Variants in INTS8 observed in about 807,000 individuals in gnomAD.
The protein encoded by INTS8 is protein kaonashi-1.
Under a neutral mutation model 138.9 loss-of-function variants are expected in INTS8, and 47 were observed. The ratio of observed to expected loss-of-function variants is 0.34; its 90% CI spans 0.27 to 0.43. INTS8 has a LOEUF of 0.43. Ranked by LOEUF, INTS8 falls within the 20% of genes least tolerant of loss-of-function variation. INTS8 has a pLI of 1.00. For missense variants in INTS8, 996 were observed against 1,173.0 expected, an observed-to-expected ratio of 0.85 and a Z score of 2.20; for synonymous variants, 392 against 400.9, an observed-to-expected ratio of 0.98 and a Z score of 0.27.
intron 14 of INTS8, among the ~76,000 whole-genome samples, chr8:94,855,719 ATAT>A (rs1815721578): frequency 6.6e-6 from 1 of 152,234 alleles, no homozygotes; most frequent in Admixed American, 6.5e-5. Flanking sequence ...AGAAGAGAAC[ATAT>A]TAGAGAAATA....
chr8:94,849,846 G>A (rs1180133848), intron 11 of INTS8, 70 bp from the exon 12 acceptor site: 19 of 1,134,444 alleles, frequency 1.7e-5, no homozygotes, highest in Non-Finnish European at 2.2e-5. Context: ...ATTAAAATTG[G>A]TTGATATGAT....
In INTS8 at chr8:94,834,362, GGTGTGTGTGTGT is replaced by G. The variant is rs35147334; in HGVS notation, c.754-2137_754-2126del. ...TAGTAAGTATGCATATATGTGCATG[GGTGTGTGTGTGT>G]GTGTGTGTGTGTGTGTGTGTGTGTA... On this transcript the variant is annotated intron_variant, in intron 6 of 26. Coordinates refer to ENST00000523731, the MANE Select transcript of INTS8 (RefSeq NM_017864.4). 7.6e-5 allele frequency among the ~76,000 whole-genome samples: 11 copies of G among 144,568 alleles called. 1 individual carries two copies. Among genetic ancestry groups the G allele is most frequent in the South Asian group, 2.2e-4 (1 of 4,466 alleles). The allele number at this position is 144,568 out of a possible 152,430, so 94.8% of individuals were successfully genotyped here.
At chr8:94,830,884 G>A (rs1010003476) in intron 5 of INTS8, among the ~76,000 whole-genome samples, 2 of 152,078 alleles carry the variant, frequency 1.3e-5, no homozygotes, top group Admixed American at 1.3e-4. Context: ...TGCAACCTCT[G>A]CCTCCCGGGT....
At chr8:94,831,905 C>G in intron 5 of INTS8, 87 bp from the exon 6 acceptor site, 1 of 1,061,750 alleles carries the variant, frequency 9.4e-7, no homozygotes, top group Admixed American at 3.1e-5. Context: ...GCTTAGTGTA[C>G]TGAGTTACTA....
intron 8 of INTS8, among the ~76,000 whole-genome samples, chr8:94,840,265 T>C (rs1815084481): frequency 6.6e-6 from 1 of 152,234 alleles, no homozygotes. Flanking sequence ...CCTGCCTTGC[T>C]CATGTTTTGT....
intron 8 of INTS8, 80 bp downstream of exon 8, chr8:94,838,698 C>T (rs1313643770): frequency 2.4e-5 from 29 of 1,188,300 alleles, no homozygotes; most frequent in Non-Finnish European, 3.2e-5. Context: ...ATCCATTTAC[C>T]AGTTACGCGT....
chr8:94,839,963 T>C (rs1815072397), intron 8 of INTS8, among the ~76,000 whole-genome samples: 1 of 152,126 alleles, frequency 6.6e-6, no homozygotes, highest in Admixed American at 6.5e-5. Context: ...AACAAGACCT[T>C]AGGAATATCA....
chr8:94,847,205 A>G (rs2131025264), intron 10 of INTS8, among the ~76,000 whole-genome samples: 2 of 152,058 alleles, frequency 1.3e-5, no homozygotes, highest in African/African-American at 4.8e-5. Context: ...ATGCCCAGCT[A>G]ATTTTTTTGT....
intron 15 of INTS8, among the ~76,000 whole-genome samples, chr8:94,858,875 TAAA>T (rs1815849827): frequency 6.6e-6 from 1 of 152,150 alleles, no homozygotes; most frequent in African/African-American, 2.4e-5. Context: ...ATAGGGAGGG[TAAA>T]GGACTGATAG....
In INTS8 at chr8:94,838,590, A is replaced by T; in HGVS notation, c.989A>T (p.His330Leu). 6.2e-7 allele frequency: 1 copy of T among 1,613,236 alleles called. No individual in the cohort carries two copies. Among genetic ancestry groups the T allele is most frequent in the East Asian group, 2.2e-5 (1 of 44,866 alleles). Residue 330 changes from histidine to leucine, a missense_variant, in exon 8 of 27, where the codon CAT becomes CTT. Physicochemically the swap from His to Leu is moderately conservative, Grantham distance 99. Transcript: ENST00000523731. ...CAGTTGACTCCATATAGTCAAGTCC[A>T]TATTTGTTTGAGATCTGGCAACTAT... ...SQQLTPYSQVHICLRSGNYQE... is the reference protein window; with the variant it reads ...SQQLTPYSQVLICLRSGNYQE...
rs540502347 is a variant in INTS8 at position 94,870,063 on chromosome 8, T to A, written c.2415-1821T>A. 7.9e-5 allele frequency among the ~76,000 whole-genome samples: 12 copies of A among 151,820 alleles called. No homozygotes were observed. The South Asian group carries it at 2.3e-3, about 29-fold the overall frequency. On this transcript the variant is annotated intron_variant, in intron 20 of 26. Coordinates refer to ENST00000523731, the MANE Select transcript of INTS8 (RefSeq NM_017864.4). ...AATATATTTTTATTTATTTATTTTT[T>A]TTTTTTGAGATGGAGTCTTGCTATG...
At chr8:94,879,595 C>T (rs894049893) in intron 26 of INTS8, among the ~76,000 whole-genome samples, 8 of 117,004 alleles carry the variant, frequency 6.8e-5, no homozygotes, top group African/African-American at 2.2e-4. Flanking sequence ...AGCTCCATCT[C>T]AAAAAAAACA....
chr8:94,873,694 A>G (rs1266785880), intron 22 of INTS8: 3 of 478,516 alleles, frequency 6.3e-6, no homozygotes, highest in Non-Finnish European at 1.1e-5. Context: ...AACTTGTCCA[A>G]ACTGATTTGT....
chr8:94,876,580 T>C (rs1816573013), intron 26 of INTS8, 91 bp downstream of exon 26: 2 of 728,210 alleles, frequency 2.7e-6, no homozygotes, highest in Non-Finnish European at 4.4e-6. Flanking sequence ...AGATTTTGTG[T>C]ACCTAGTTAC....
intron 10 of INTS8, among the ~76,000 whole-genome samples, chr8:94,844,498 G>A (rs1586487991): frequency 6.6e-6 from 1 of 152,166 alleles, no homozygotes; most frequent in Middle Eastern, 3.4e-3. Context: ...TGTATTTTTA[G>A]TAGCGACGGG....
intron 23 of INTS8, 48 bp downstream of exon 23, chr8:94,874,650 G>T: frequency 9.4e-7 from 1 of 1,066,210 alleles, no homozygotes. Context: ...ATATGTTAGA[G>T]TTTATAATAA....
At chr8:94,876,642 AT>A in intron 26 of INTS8, 153 bp downstream of exon 26, 1 of 541,254 alleles carries the variant, frequency 1.8e-6, no homozygotes, top group Non-Finnish European at 3.2e-6. Flanking sequence ...TTTTTTGATA[AT>A]TTTAACTGTT....
At chr8:94,874,411 GAAT>G in intron 22 of INTS8, 138 bp from the exon 23 acceptor site, 1 of 609,606 alleles carries the variant, frequency 1.6e-6, no homozygotes, top group Non-Finnish European at 3.0e-6. Flanking sequence ...CAGCAAAATT[GAAT>G]AAAAGGTACA....
intron 26 of INTS8, 134 bp from the exon 27 acceptor site, chr8:94,879,984 G>A: frequency 1.6e-6 from 1 of 608,254 alleles, no homozygotes; most frequent in Non-Finnish European, 2.9e-6. Context: ...AAGACTCCTG[G>A]GTTTTACAGT....
Sources: gnomAD v4.1 joint callset for allele counts (sites outside exome capture counted in the v4.1 genomes callset) on GRCh38, gnomAD v4.1.1 for gene constraint, MANE v1.5 for transcripts, NCBI Gene and HGNC (gene_info 2026-07-23, HGNC 2026-07-21) for gene names.